Variants in SGIP1 observed in about 807,000 individuals in gnomAD.
The protein encoded by SGIP1 is SH3GL interacting endocytic adaptor 1.
Under a neutral mutation model 107.5 loss-of-function variants are expected in SGIP1, and 38 were observed. That is an observed-to-expected ratio of 0.35 (90% CI 0.27 to 0.46). The LOEUF is 0.46. Among genes scored for constraint, SGIP1 ranks in the 20% least tolerant of loss-of-function variants. The pLI, the probability that SGIP1 is intolerant of heterozygous loss-of-function variation, is 1.00. For missense variants in SGIP1, 929 were observed against 1,019.5 expected, an observed-to-expected ratio of 0.91 and a Z score of 1.21; for synonymous variants, 365 against 366.1, an observed-to-expected ratio of 1.00 and a Z score of 0.03.
At chr1:66,582,893 C>T (rs534764123) in intron 1 of SGIP1, among the ~76,000 whole-genome samples, 65 of 151,060 alleles carry the variant, frequency 4.3e-4, no homozygotes, top group Admixed American at 7.3e-4. Flanking sequence ...CAACAAGATG[C>T]TGTATGCTAG....
chr1:66,647,547 CT>C (rs777396063), intron 7 of SGIP1, among the ~76,000 whole-genome samples: 26 of 152,276 alleles, frequency 1.7e-4, no homozygotes, highest in South Asian at 1.2e-3. Context: ...TATATTGTAT[CT>C]GCATCTTAAG....
intron 1 of SGIP1, among the ~76,000 whole-genome samples, chr1:66,543,707 A>G (rs2055586960): frequency 6.6e-6 from 1 of 152,158 alleles, no homozygotes; most frequent in African/African-American, 2.4e-5. Flanking sequence ...GGGAAGGGCC[A>G]GGACTTGAAG....
intron 1 of SGIP1, among the ~76,000 whole-genome samples, chr1:66,555,605 T>G (rs2058066114): frequency 6.6e-6 from 1 of 152,160 alleles, no homozygotes; most frequent in Admixed American, 6.5e-5. Context: ...CCAATTCATG[T>G]CAGAATTTTC....
chr1:66,598,216 A>G (rs1243885300), intron 1 of SGIP1, among the ~76,000 whole-genome samples: 1 of 152,148 alleles, frequency 6.6e-6, no homozygotes, highest in Non-Finnish European at 1.5e-5. Context: ...TATTTTCTTT[A>G]CATGTACTCT....
chr1:66,686,424 G>A (rs1019631660), intron 15 of SGIP1, among the ~76,000 whole-genome samples: 2 of 152,134 alleles, frequency 1.3e-5, no homozygotes, highest in Non-Finnish European at 1.5e-5. Context: ...ATCTTAAACA[G>A]TGTTGCTGTC....
chr1:66,630,849 A>G (rs149286869), intron 2 of SGIP1, among the ~76,000 whole-genome samples: 2,607 of 28,680 alleles, frequency 0.091, 59 homozygotes, highest in East Asian at 0.35. Context: ...GAAAGAAAGA[A>G]AGAAAGAAAG....
intron 3 of SGIP1, among the ~76,000 whole-genome samples, chr1:66,635,520 T>C (rs1034669532): frequency 6.6e-6 from 1 of 152,244 alleles, no homozygotes; most frequent in African/African-American, 2.4e-5. Flanking sequence ...CTGTATGTAT[T>C]TGTGACCCAC....
intron 1 of SGIP1, among the ~76,000 whole-genome samples, chr1:66,576,327 C>A (rs1367455088): frequency 6.6e-6 from 1 of 152,160 alleles, no homozygotes; most frequent in Non-Finnish European, 1.5e-5. Context: ...CATTGCTGAG[C>A]CCAAGTAGTT....
chr1:66,540,180 C>A (rs2054583628), intron 1 of SGIP1, among the ~76,000 whole-genome samples: 1 of 151,684 alleles, frequency 6.6e-6, no homozygotes. Context: ...GGAAATAAGA[C>A]AATATTCTGC....
chr1:66,630,836 A>AG (rs2074168569), intron 2 of SGIP1, among the ~76,000 whole-genome samples: 3 of 12,290 alleles, frequency 2.4e-4, no homozygotes, highest in East Asian at 9.6e-3. Flanking sequence ...AGAAAGAAAG[A>AG]AAGAAAGAAA....
intron 18 of SGIP1, among the ~76,000 whole-genome samples, chr1:66,696,859 T>TA (rs1401939426): frequency 6.6e-6 from 1 of 152,226 alleles, no homozygotes; most frequent in Non-Finnish European, 1.5e-5. Flanking sequence ...TAGATGAAAT[T>TA]AGTAAGTGCC....
At chr1:66,695,388 C>T (rs1445004571) in intron 17 of SGIP1, 46 bp from the exon 18 acceptor site, 5 of 1,613,758 alleles carry the variant, frequency 3.1e-6, no homozygotes, top group Admixed American at 3.3e-5. Flanking sequence ...CTTCTCTCTC[C>T]CTTTCCTTAA....
At chr1:66,733,112 ACT>A (rs1473587585) in intron 20 of SGIP1, among the ~76,000 whole-genome samples, 1 of 152,012 alleles carries the variant, frequency 6.6e-6, no homozygotes, top group Non-Finnish European at 1.5e-5. Context: ...GCTTATAGAG[ACT>A]CTGCTCTTCT....
chr1:66,575,506 C>G (rs2060940417), intron 1 of SGIP1, among the ~76,000 whole-genome samples: 1 of 152,038 alleles, frequency 6.6e-6, no homozygotes, highest in Non-Finnish European at 1.5e-5. Flanking sequence ...ATTCTGGGCA[C>G]AAATTTAAAT....
chr1:66,577,714 A>G (rs1194040046), intron 1 of SGIP1, among the ~76,000 whole-genome samples: 1 of 151,938 alleles, frequency 6.6e-6, no homozygotes, highest in Non-Finnish European at 1.5e-5. Flanking sequence ...ATTGGAATAG[A>G]TACACTAATT....
chr1:66,643,736 T>C lies in SGIP1; in HGVS notation c.459+17T>C, dbSNP rs201370913. On this transcript the variant is annotated intron_variant, in intron 7 of 24. Transcript: ENST00000371037. ...TCACCAGTGGTGAGTGTTGTGTGTG[T>C]GTGTGTTAAGCTTTAGTGAGATTGA... 2.5e-6 allele frequency: 4 copies of C among 1,589,880 alleles called. No individual in the cohort carries two copies. Among genetic ancestry groups the C allele is most frequent in the Admixed American group, 3.7e-5 (2 of 54,604 alleles).
chr1:66,693,452 G>A (rs1177083918), intron 17 of SGIP1, among the ~76,000 whole-genome samples: 1 of 151,860 alleles, frequency 6.6e-6, no homozygotes, highest in Non-Finnish European at 1.5e-5. Flanking sequence ...AGATAATGAG[G>A]AATATTATCA....
chr1:66,634,189 T>C (rs771669090), intron 3 of SGIP1: 1 of 1,593,164 alleles, frequency 6.3e-7, no homozygotes, highest in Non-Finnish European at 8.6e-7. Flanking sequence ...GTGTCTCTTC[T>C]TTGCTTCCGG....
At position 66,743,691 on chromosome 1, in the gene SGIP1, G is replaced by C. The variant is rs1415145039; in HGVS notation, c.*596G>C. 6.6e-6 allele frequency: 1 copy of C among 152,396 alleles called. No homozygotes were observed. The highest frequency in any genetic ancestry group is 1.5e-5 in the Non-Finnish European group (1 of 67,968). The allele number at this position is 152,396 out of a possible 1,614,324, so 9.4% of individuals were successfully genotyped here. A position where few individuals can be genotyped will look rare whatever the true frequency, so the allele number is the denominator to read the frequency against. On this transcript the variant is annotated 3_prime_UTR_variant, in exon 25 of 25. Coordinates refer to ENST00000371037, the MANE Select transcript of SGIP1 (RefSeq NM_032291.4). ...AACTATTTCAGAAAAAAATTCTAAGGTTACAGCATATTCAAAGAAAAGCAT... is the reference window on the plus strand; with the variant it reads ...AACTATTTCAGAAAAAAATTCTAAGCTTACAGCATATTCAAAGAAAAGCAT...
Sources: gnomAD v4.1 joint callset for allele counts (sites outside exome capture counted in the v4.1 genomes callset) on GRCh38, gnomAD v4.1.1 for gene constraint, MANE v1.5 for transcripts, NCBI Gene and HGNC (gene_info 2026-07-23, HGNC 2026-07-21) for gene names.